Variants in SLC45A1 observed in about 807,000 individuals in gnomAD.
The protein encoded by SLC45A1 is proton-associated sugar transporter A.
Under a neutral mutation model 57.6 loss-of-function variants are expected in SLC45A1, and 28 were observed. The ratio of observed to expected loss-of-function variants is 0.49; its 90% CI spans 0.36 to 0.67. The LOEUF is 0.67. SLC45A1 is among the 30% of genes least tolerant of loss of function. The probability of loss-of-function intolerance (pLI) is 0.00; values close to 1 mark genes in which losing one functional copy is unlikely to be tolerated. For synonymous variants in SLC45A1, 459 were observed against 471.5 expected, an observed-to-expected ratio of 0.97 and a Z score of 0.34; for missense variants, 814 against 1,041.5, an observed-to-expected ratio of 0.78 and a Z score of 3.01.
chr1:8,324,149 G>T lies in SLC45A1; in HGVS notation c.-24-157G>T, dbSNP rs140176782. Among the ~76,000 whole-genome samples the T allele has an allele frequency of 2.7e-3, 407 of 152,332 alleles. 1 individual carries two copies. Among genetic ancestry groups the T allele is most frequent in the African/African-American group, 9.2e-3 (383 of 41,580 alleles). ...GGCCTCCTGGGGCAGAGGAGCTGCA[G>T]ATGGGAAAGTGAGGCCCCGGAGCAT... On this transcript the variant is annotated intron_variant, in intron 1 of 8. Transcript: ENST00000471889.
chr1:8,337,635 G>A (rs1255448902), intron 6 of SLC45A1, among the ~76,000 whole-genome samples, 181 bp from the exon 7 acceptor site: 1 of 152,122 alleles, frequency 6.6e-6, no homozygotes, highest in African/African-American at 2.4e-5. Flanking sequence ...AGCCAGGATG[G>A]TCTCGATTTC....
At chr1:8,337,722 A>T in intron 6 of SLC45A1, 94 bp from the exon 7 acceptor site, 1 of 1,236,996 alleles carries the variant, frequency 8.1e-7, no homozygotes, top group Non-Finnish European at 1.1e-6. Context: ...CCAGCTGCTC[A>T]TTACTTTTAT....
In SLC45A1 at chr1:8,339,714, T is replaced by C. The variant is rs550377239; in HGVS notation, c.1980+16T>C. 6.2e-7 allele frequency: 1 copy of C among 1,611,110 alleles called. No individual in the cohort carries two copies. Reference sequence around the variant, plus strand: ...GAGTAAGAAGGTAAGTGCTCTCCCTTGTCTTGCTTCGGGTCTGCTTCTTGG... The same window carrying C: ...GAGTAAGAAGGTAAGTGCTCTCCCTCGTCTTGCTTCGGGTCTGCTTCTTGG... On this transcript the variant is annotated intron_variant, in intron 8 of 8. Transcript: ENST00000471889.
In SLC45A1 at chr1:8,325,807, T is replaced by C. The variant is rs1640179118; in HGVS notation, c.491-11T>C. The C allele has an allele frequency of 6.2e-7, 1 of 1,611,130 alleles. No individual in the cohort carries two copies. Among genetic ancestry groups the C allele is most frequent in the Non-Finnish European group, 8.5e-7 (1 of 1,179,628 alleles). On this transcript the variant is annotated splice_polypyrimidine_tract_variant and intron_variant, in intron 3 of 8. Coordinates refer to ENST00000471889, the MANE Select transcript of SLC45A1 (RefSeq NM_001080397.3). This position sits in a 1 kb window ranked among gnomAD's most constrained non-coding sequence, Gnocchi z 6.3. ...CATTTTCTTGGGGTGACTTTGTTTC[T>C]CTGTGTCCAGGGGCACTGCTGGGCC...
chr1:8,320,531 C>T (rs1489830994), intron 1 of SLC45A1, among the ~76,000 whole-genome samples: 1 of 152,054 alleles, frequency 6.6e-6, no homozygotes, highest in Admixed American at 6.6e-5. Flanking sequence ...GTAGTTCCAG[C>T]TATTTGGGAG....
chr1:8,338,668 G>A lies in SLC45A1; in HGVS notation c.1774+676G>A, dbSNP rs192084601. 4.6e-5 allele frequency among the ~76,000 whole-genome samples: 7 copies of A among 152,378 alleles called. No individual in the cohort carries two copies. The East Asian group carries it at 9.6e-4, about 21-fold the overall frequency. On this transcript the variant is annotated intron_variant, in intron 7 of 8. Transcript: ENST00000471889. ...CCGAAAGCCACAGACACGGGAAACC[G>A]AGTGGGCGTGCCAAGCGCCAATCAA... is the stretch of plus-strand genomic sequence containing the variant.
chr1:8,342,711 CA>C (rs1280367016), intron 8 of SLC45A1, among the ~76,000 whole-genome samples: 1 of 152,102 alleles, frequency 6.6e-6, no homozygotes, highest in Admixed American at 6.5e-5. Flanking sequence ...GTCTGGGCAA[CA>C]TAGTCAGACC....
rs774770763 is a variant in SLC45A1, at chr1:8,324,374, C to T, written c.45C>T (p.Phe15=). 2 of 1,612,840 alleles carry T rather than the reference C, an allele frequency of 1.2e-6. No homozygotes were observed. The highest frequency in any genetic ancestry group is 1.7e-6 in the Non-Finnish European group (2 of 1,179,990). ...ASSTPPGDAL[F]PSVAPQDFWR... is the part of the protein sequence containing the mutation. ...GCACCCCGCCGGGAGATGCCCTCTT[C>T]CCCAGCGTGGCCCCACAGGACTTCT... Residue 15 remains phenylalanine (F), a synonymous_variant, in exon 2 of 9, where the codon TTC becomes TTT. Transcript: ENST00000471889.
chr1:8,324,072 G>A (rs1327244879), intron 1 of SLC45A1, among the ~76,000 whole-genome samples: 1 of 152,180 alleles, frequency 6.6e-6, no homozygotes, highest in Non-Finnish European at 1.5e-5. Context: ...GTTTGAGGTG[G>A]GGACCTGCAG....
intron 4 of SLC45A1, among the ~76,000 whole-genome samples, chr1:8,329,536 G>T (rs531981336): frequency 1.3e-5 from 2 of 152,348 alleles, no homozygotes; most frequent in African/African-American, 2.4e-5. Flanking sequence ...TCTGCCCACT[G>T]CTGTTGGCCG....
At chr1:8,336,467 A>T (rs888672143) in intron 6 of SLC45A1, among the ~76,000 whole-genome samples, 1 of 152,160 alleles carries the variant, frequency 6.6e-6, no homozygotes, top group Non-Finnish European at 1.5e-5. Flanking sequence ...TGTGGGACAT[A>T]AATCAACATG....
rs1349316406 is a variant in SLC45A1 at position 8,330,413 on chromosome 1, G to C, written c.920G>C (p.Ser307Thr). ...AAGCGGGCAGCCATGAAGAGCCCCA[G>C]CCTCCCGCTGCCCCCGTCCCCACCC... is the stretch of plus-strand genomic sequence containing the variant. ...SEKRAAMKSPSLPLPPSPPVL... is the reference protein window; with the variant it reads ...SEKRAAMKSPTLPLPPSPPVL... Residue 307 changes from serine to threonine, a missense_variant, in exon 5 of 9, where the codon AGC (serine) becomes ACC (threonine). By Grantham distance (58) the Ser-to-Thr change is moderately conservative. Transcript: ENST00000471889. The surrounding 1 kb of genome is among the most constrained non-coding windows in gnomAD (Gnocchi z 8.4). 1 of 1,611,622 alleles carries C rather than the reference G, an allele frequency of 6.2e-7. No individual in the cohort carries two copies. The highest frequency in any genetic ancestry group is 8.5e-7 in the Non-Finnish European group (1 of 1,179,202).
chr1:8,319,301 C>T (rs1024776095), intron 1 of SLC45A1, among the ~76,000 whole-genome samples: 7 of 152,162 alleles, frequency 4.6e-5, no homozygotes, highest in Non-Finnish European at 8.8e-5. Context: ...TAAGCAAATA[C>T]GCCCTAGGAA....
At chr1:8,336,943 C>T (rs1640631647) in intron 6 of SLC45A1, among the ~76,000 whole-genome samples, 1 of 152,228 alleles carries the variant, frequency 6.6e-6, no homozygotes, top group Admixed American at 6.5e-5. Context: ...CCCTGCACCA[C>T]CCAGGTAGCT....
intron 1 of SLC45A1, among the ~76,000 whole-genome samples, chr1:8,320,688 TCTCTACAC>T (rs1176244538): frequency 2.4e-5 from 2 of 82,394 alleles, no homozygotes; most frequent in Non-Finnish European, 4.4e-5. Flanking sequence ...TTTCTCTCTC[TCTCTACAC>T]ACACACACAC....
Position 8,335,058 on chromosome 1 carries a change from C to T in SLC45A1, c.1444-379C>T, listed in dbSNP as rs1263440889. On this transcript the variant is annotated intron_variant, in intron 5 of 8. Coordinates refer to ENST00000471889, the MANE Select transcript of SLC45A1 (RefSeq NM_001080397.3). This position sits in a 1 kb window ranked among gnomAD's most constrained non-coding sequence, Gnocchi z 4.1. ...TGGCCACCTTGAAATAAGTCGTTCC[C>T]AGTCTTCTTTTACAAAAAAGAAAGG... Among the ~76,000 whole-genome samples, 2 of 152,184 alleles carry T rather than the reference C, an allele frequency of 1.3e-5. No individual in the cohort carries two copies. Among genetic ancestry groups the T allele is most frequent in the African/African-American group, 4.8e-5 (2 of 41,424 alleles).
At chr1:8,329,191 G>A (rs963416559) in intron 4 of SLC45A1, among the ~76,000 whole-genome samples, 6 of 152,302 alleles carry the variant, frequency 3.9e-5, no homozygotes, top group East Asian at 1.9e-4. Flanking sequence ...TGAGTTGGGC[G>A]TGTCTGAAGC....
intron 6 of SLC45A1, among the ~76,000 whole-genome samples, chr1:8,337,313 C>T (rs190320881): frequency 5.5e-4 from 84 of 152,336 alleles, no homozygotes; most frequent in Middle Eastern, 3.4e-3. Context: ...TTAGCTCTCA[C>T]GGGGTCCCGC....
At position 8,325,213 on chromosome 1, in the gene SLC45A1, G is replaced by A; in HGVS notation, c.398-85G>A. On this transcript the variant is annotated intron_variant, in intron 2 of 8. Transcript: ENST00000471889. The surrounding 1 kb of genome is among the most constrained non-coding windows in gnomAD (Gnocchi z 6.3). The stretch of plus-strand genomic sequence containing the variant: ...GATGCACTGGGGGTGTTTGAGAGCA[G>A]GCACTTCAGGAATGTGGAGGCTGAT... The A allele has an allele frequency of 1.2e-6, 1 of 823,224 alleles. No homozygotes were observed. Among genetic ancestry groups the A allele is most frequent in the Non-Finnish European group, 2.1e-6 (1 of 481,354 alleles). 51.0% of individuals were successfully genotyped at this position (823,224 alleles called of 1,614,324 possible). A position where few individuals can be genotyped will look rare whatever the true frequency, so the allele number is the denominator to read the frequency against.
Sources: gnomAD v4.1 joint callset for allele counts (sites outside exome capture counted in the v4.1 genomes callset) on GRCh38, gnomAD v4.1.1 for gene constraint, Gnocchi (gnomAD v3.1) non-coding constraint, MANE v1.5 for transcripts, NCBI Gene and HGNC (gene_info 2026-07-23, HGNC 2026-07-21) for gene names.